WDR64: variants seen among roughly 807,000 people sequenced by gnomAD.
The protein encoded by WDR64 is WD repeat domain 64, also known as WD repeat-containing protein 64.
A neutral mutation model predicts 139.3 loss-of-function variants in WDR64; 112 were observed. The observed-to-expected ratio is 0.80, with a 90% CI of 0.69 to 0.94. The LOEUF is 0.94. Among genes scored for constraint, WDR64 ranks in the 40% least tolerant of loss-of-function variants. WDR64 has a pLI of 0.00. For synonymous variants in WDR64, 444 were observed against 437.7 expected (o/e 1.01, Z -0.18); for missense variants, 1,206 against 1,293.1 (o/e 0.93, Z 1.03).
rs1404367070 is a variant in WDR64, at chr1:241,703,388, A to T, written c.975-8414A>T. On this transcript the variant is annotated intron_variant, in intron 8 of 27. Transcript: ENST00000437684. The surrounding 1 kb of genome is among the most constrained non-coding windows in gnomAD (Gnocchi z 5.9). The stretch of plus-strand genomic sequence containing the variant: ...ATCACGCTCATTAATTCATGGAACA[A>T]CAGGAGAAAAGTCTGAGATGAAGCA... 6.6e-6 allele frequency among the ~76,000 whole-genome samples: 1 copy of T among 151,992 alleles called. No homozygotes were observed. The highest frequency in any genetic ancestry group is 1.5e-5 in the Non-Finnish European group (1 of 68,000).
chr1:241,780,886 A>G (rs1478199589), intron 22 of WDR64, among the ~76,000 whole-genome samples: 3 of 152,192 alleles, frequency 2.0e-5, no homozygotes, highest in East Asian at 1.9e-4. Flanking sequence ...TTGCTAATCC[A>G]ATACTCTTTC....
intron 2 of WDR64, among the ~76,000 whole-genome samples, chr1:241,663,864 T>C (rs1449263425): frequency 4.6e-5 from 7 of 152,366 alleles, no homozygotes; most frequent in Middle Eastern, 3.4e-3. Context: ...TCTGAAGACA[T>C]AGGCCCCTTG....
intron 3 of WDR64, among the ~76,000 whole-genome samples, chr1:241,672,037 T>C (rs1573993514): frequency 6.6e-6 from 1 of 152,174 alleles, no homozygotes; most frequent in East Asian, 1.9e-4. Context: ...TAGCCAGCCA[T>C]GGTGGTGTGC....
In WDR64 at chr1:241,750,442, G is replaced by A. The variant is rs565504736; in HGVS notation, c.1770+720G>A. Among the ~76,000 whole-genome samples the A allele has an allele frequency of 9.9e-5, 15 of 152,240 alleles. No homozygotes were observed. In the South Asian group the frequency reaches 1.2e-3, roughly 13 times the overall value. ...AAGATAACTGATGACCTAAGAATGG[G>A]GAAAAAGGAGTGAAAAACCTGCCTG... is the stretch of plus-strand genomic sequence containing the variant. On this transcript the variant is annotated intron_variant, in intron 14 of 27. Transcript: ENST00000437684.
At chr1:241,671,362 G>A (rs549151791) in intron 3 of WDR64, among the ~76,000 whole-genome samples, 186 bp downstream of exon 3, 3 of 152,160 alleles carry the variant, frequency 2.0e-5, no homozygotes, top group African/African-American at 7.2e-5. Context: ...CTGTTGAAAT[G>A]GAAATATTAT....
chr1:241,752,856 G>GAC (rs748813824), intron 14 of WDR64, among the ~76,000 whole-genome samples: 1 of 151,988 alleles, frequency 6.6e-6, no homozygotes, highest in Non-Finnish European at 1.5e-5. Context: ...GTCTCAAAAA[G>GAC]ACACACACAC....
chr1:241,734,023 G>A (rs7367544), intron 10 of WDR64, among the ~76,000 whole-genome samples: 16,628 of 152,164 alleles, frequency 0.11, 1,128 homozygotes, highest in East Asian at 0.28. Flanking sequence ...AAGCTAAAGG[G>A]AAAAGTCAAT....
intron 11 of WDR64, among the ~76,000 whole-genome samples, chr1:241,740,171 C>G (rs1030189381): frequency 6.6e-6 from 1 of 152,228 alleles, no homozygotes; most frequent in Non-Finnish European, 1.5e-5. Flanking sequence ...ATCAGAGCTT[C>G]TAACTCTGGA....
intron 8 of WDR64, among the ~76,000 whole-genome samples, chr1:241,688,489 G>A (rs1318818801): frequency 6.6e-6 from 1 of 152,118 alleles, no homozygotes; most frequent in African/African-American, 2.4e-5. Context: ...TCTCAGAAAA[G>A]CTCATCGAGA....
chr1:241,766,310 G>T lies in WDR64; in HGVS notation c.2040G>T (p.Val680=). 6.2e-7 allele frequency: 1 copy of T among 1,614,108 alleles called. No individual in the cohort carries two copies. The change falls in exon 16 of 28, where the codon GTG becomes GTT. Residue 680 remains valine (V), a synonymous_variant. Coordinates refer to ENST00000437684, the MANE Select transcript of WDR64 (RefSeq NM_001367482.1). Reference sequence around the variant, plus strand: ...TAGCAGCTGGAACCTTAAATGGTGTGATCATCTTATGGAATTTTGTGACGT... The same window carrying T: ...TAGCAGCTGGAACCTTAAATGGTGTTATCATCTTATGGAATTTTGTGACGT... ...NLIAAGTLNG[V]IILWNFVTST...
chr1:241,722,743 T>C (rs1668656427), intron 9 of WDR64, among the ~76,000 whole-genome samples: 1 of 152,184 alleles, frequency 6.6e-6, no homozygotes, highest in South Asian at 2.1e-4. Flanking sequence ...AATTATGCCC[T>C]TCTATGATTT....
At chr1:241,744,545 C>A (rs1401778494) in intron 13 of WDR64, 29 bp downstream of exon 13, 1 of 1,610,968 alleles carries the variant, frequency 6.2e-7, no homozygotes, top group South Asian at 1.1e-5. Flanking sequence ...ATGTGGCGTC[C>A]CTGCTTTAGT....
chr1:241,760,777 T>C (rs1401811815), intron 15 of WDR64, among the ~76,000 whole-genome samples: 1 of 141,190 alleles, frequency 7.1e-6, no homozygotes, highest in East Asian at 2.0e-4. Context: ...TTTTTTTTTT[T>C]TTTTTTGAGA....
intron 20 of WDR64, among the ~76,000 whole-genome samples, chr1:241,773,194 C>A (rs1658526447): frequency 1.3e-5 from 2 of 152,138 alleles, no homozygotes; most frequent in African/African-American, 4.8e-5. Flanking sequence ...AGCTCTTCTA[C>A]TTTTCTATCA....
intron 10 of WDR64, among the ~76,000 whole-genome samples, chr1:241,732,075 G>C (rs1229819959): frequency 1.3e-5 from 2 of 152,096 alleles, no homozygotes; most frequent in Non-Finnish European, 2.9e-5. Context: ...ACCCTGATTT[G>C]ATTTATTTGG....
intron 16 of WDR64, among the ~76,000 whole-genome samples, chr1:241,768,099 G>A (rs1002480444): frequency 1.3e-5 from 2 of 152,168 alleles, no homozygotes; most frequent in African/African-American, 2.4e-5. Context: ...GGCAACACCC[G>A]TGATAATAAT....
rs1668825527 is a variant in WDR64 at position 241,726,073 on chromosome 1, G to C, written c.1194+2637G>C. 4.0e-5 allele frequency among the ~76,000 whole-genome samples: 6 copies of C among 150,810 alleles called. No homozygotes were observed. In the South Asian group the frequency reaches 1.3e-3, roughly 31 times the overall value. On this transcript the variant is annotated intron_variant, in intron 10 of 27. Coordinates refer to ENST00000437684, the MANE Select transcript of WDR64 (RefSeq NM_001367482.1). ...TTTTTTTTTTAGGTCTGTCTAATTT[G>C]CTAATTTTTAAATTTTTGGTAGAGA...
chr1:241,775,245 G>C (rs1658616671), intron 21 of WDR64, 35 bp downstream of exon 21: 1 of 1,503,010 alleles, frequency 6.7e-7, no homozygotes, highest in African/African-American at 1.4e-5. Flanking sequence ...AGTGACAGGT[G>C]TCTTAATAGC....
intron 8 of WDR64, among the ~76,000 whole-genome samples, chr1:241,696,740 T>C (rs966248202): frequency 9.2e-5 from 14 of 152,134 alleles, no homozygotes; most frequent in African/African-American, 3.4e-4. Flanking sequence ...CAGAGGTCAC[T>C]CTCATGGCCA....
Sources: gnomAD v4.1 joint callset for allele counts (sites outside exome capture counted in the v4.1 genomes callset) on GRCh38, gnomAD v4.1.1 for gene constraint, Gnocchi (gnomAD v3.1) non-coding constraint, MANE v1.5 for transcripts, NCBI Gene and HGNC (gene_info 2026-07-23, HGNC 2026-07-21) for gene names.